The following RASL11B variants were observed in gnomAD, a reference collection of about 807,000 sequenced individuals.
The protein encoded by RASL11B is ras-like protein family member 11B.
RASL11B carries 14 observed loss-of-function variants against 22.9 expected under a neutral mutation model. That is an observed-to-expected ratio of 0.61 (90% CI 0.40 to 0.96). The LOEUF is 0.96. Among genes scored for constraint, RASL11B ranks in the 40% least tolerant of loss-of-function variants. RASL11B has a pLI of 0.00. For missense variants in RASL11B, 261 were observed against 322.0 expected, an observed-to-expected ratio of 0.81 and a Z score of 1.45; for synonymous variants, 143 against 130.2, an observed-to-expected ratio of 1.10 and a Z score of -0.67.
intron 1 of RASL11B, 101 bp downstream of exon 1, chr4:52,862,750 GCT>G: frequency 7.5e-7 from 1 of 1,331,746 alleles, no homozygotes; most frequent in African/African-American, 1.5e-5. Context: ...CAGCCCGACC[GCT>G]CTCCGTCCCC....
rs1718180234 is a variant in RASL11B, at chr4:52,862,597, C to T, written c.90C>T (p.Gly30=). ...AASDCCVGAA[G]RRLVKIAVVG... ...CCGACTGCTGTGTGGGCGCCGCCGG[C>T]CGCCGCCTGGTCAAGATCGCCGTGG... is the stretch of plus-strand genomic sequence containing the variant. Residue 30 remains glycine, a synonymous_variant, in exon 1 of 4, where the codon GGC becomes GGT. Transcript: ENST00000248706. 3 of 1,599,090 alleles carry T rather than the reference C, an allele frequency of 1.9e-6. No homozygotes were observed. The highest frequency in any genetic ancestry group is 2.6e-6 in the Non-Finnish European group (3 of 1,176,292).
At chr4:52,864,433 TTG>T in intron 2 of RASL11B, 43 bp from the exon 3 acceptor site, 1 of 1,236,040 alleles carries the variant, frequency 8.1e-7, no homozygotes, top group East Asian at 2.3e-5. Flanking sequence ...GTTTTAAAAG[TTG>T]TACAAGAAGG....
chr4:52,862,435 G>A lies in RASL11B; in HGVS notation c.-73G>A. On this transcript the variant is annotated 5_prime_UTR_variant, in exon 1 of 4. Coordinates refer to ENST00000248706, the MANE Select transcript of RASL11B (RefSeq NM_023940.3). ...CGGAGCCCCGCAGTCGGGTCCTCCC[G>A]CCCGCTCCCGCGCAGCGCTAGCATT... 1 of 1,386,312 alleles carries A rather than the reference G, an allele frequency of 7.2e-7. No homozygotes were observed. The highest frequency in any genetic ancestry group is 9.5e-7 in the Non-Finnish European group (1 of 1,051,984). 85.9% of individuals were successfully genotyped at this position (1,386,312 alleles called of 1,614,324 possible).
intron 2 of RASL11B, among the ~76,000 whole-genome samples, chr4:52,863,920 T>G (rs1198442709): frequency 3.9e-5 from 6 of 152,244 alleles, no homozygotes; most frequent in African/African-American, 1.2e-4. Context: ...AGCAAATTGC[T>G]TAACTCTGTA....
intron 3 of RASL11B, among the ~76,000 whole-genome samples, chr4:52,864,816 T>A (rs1272012666): frequency 6.6e-6 from 1 of 152,214 alleles, no homozygotes; most frequent in African/African-American, 2.4e-5. Flanking sequence ...GCAGTTGGAA[T>A]TGGTGTTTTC....
intron 1 of RASL11B, 101 bp from the exon 2 acceptor site, chr4:52,863,167 A>G (rs567961180): frequency 4.9e-6 from 5 of 1,026,580 alleles, no homozygotes; most frequent in East Asian, 5.1e-5. Flanking sequence ...GTGGCCATCT[A>G]TGGCTTTCTT....
chr4:52,865,420 C>T lies in RASL11B; in HGVS notation c.362C>T (p.Thr121Ile). ...GCTGTGGTGATCGTTTTCTCCATCA[C>T]TGACTACAAGAGCTATGAACTCATC... ...ADAVVIVFSI[T>I]DYKSYELISQ... is the part of the protein sequence containing the mutation. The change falls in exon 4 of 4, where the codon ACT becomes ATT. Residue 121 changes from threonine (T) to isoleucine (I), a missense_variant. Transcript: ENST00000248706. 6.2e-7 allele frequency: 1 copy of T among 1,614,206 alleles called. No individual in the cohort carries two copies. The highest frequency in any genetic ancestry group is 2.2e-5 in the East Asian group (1 of 44,890).
At position 52,862,413 on chromosome 4, in the gene RASL11B, A is replaced by T; in HGVS notation, c.-95A>T. The T allele has an allele frequency of 8.6e-7, 1 of 1,164,358 alleles. No individual in the cohort carries two copies. Among genetic ancestry groups the T allele is most frequent in the Non-Finnish European group, 1.2e-6 (1 of 858,590 alleles). The allele number at this position is 1,164,358 out of a possible 1,614,324, so 72.1% of individuals were successfully genotyped here. A position where few individuals can be genotyped will look rare whatever the true frequency, so the allele number is the denominator to read the frequency against. ...TTATTGTTGTTATTTCTTACCGCGG[A>T]GCCCCGCAGTCGGGTCCTCCCGCCC... On this transcript the variant is annotated 5_prime_UTR_variant, in exon 1 of 4. Coordinates refer to ENST00000248706, the MANE Select transcript of RASL11B (RefSeq NM_023940.3).
At chr4:52,862,787 G>A in intron 1 of RASL11B, 138 bp downstream of exon 1, 1 of 1,061,970 alleles carries the variant, frequency 9.4e-7, no homozygotes, top group Non-Finnish European at 1.3e-6. Flanking sequence ...TGCCCCTTGG[G>A]AGTGGGCTTA....
At position 52,865,426 on chromosome 4, in the gene RASL11B, A is replaced by T. The variant is rs748518922; in HGVS notation, c.368A>T (p.Tyr123Phe). The change falls in exon 4 of 4, where the codon TAC becomes TTC. Residue 123 changes from tyrosine to phenylalanine, a missense_variant. Physicochemically the swap from Tyr to Phe is conservative, Grantham distance 22. Transcript: ENST00000248706. Reference sequence around the variant, plus strand: ...GTGATCGTTTTCTCCATCACTGACTACAAGAGCTATGAACTCATCAGCCAG... The same window carrying T: ...GTGATCGTTTTCTCCATCACTGACTTCAAGAGCTATGAACTCATCAGCCAG... ...AVVIVFSITD[Y>F]KSYELISQLH... The T allele has an allele frequency of 6.2e-7, 1 of 1,614,054 alleles. No individual in the cohort carries two copies. Among genetic ancestry groups the T allele is most frequent in the Non-Finnish European group, 8.5e-7 (1 of 1,180,040 alleles).
intron 2 of RASL11B, 132 bp from the exon 3 acceptor site, chr4:52,864,346 C>T (rs569719508): frequency 3.5e-6 from 2 of 578,574 alleles, no homozygotes; most frequent in Admixed American, 2.8e-5. Context: ...AGTAAGCCCA[C>T]CAAATAGAAA....
At position 52,862,370 on chromosome 4, in the gene RASL11B, G is replaced by A; in HGVS notation, c.-138G>A. The A allele has an allele frequency of 3.2e-5, 6 of 186,374 alleles. 1 individual carries two copies. Among genetic ancestry groups the A allele is most frequent in the South Asian group, 1.7e-4 (2 of 12,090 alleles). 11.5% of individuals were successfully genotyped at this position (186,374 alleles called of 1,614,324 possible). ...GAACCTCGGCGCTCGGCCCCACCCC[G>A]CCCGTACCTGCACTTATTTATTGTT... On this transcript the variant is annotated 5_prime_UTR_variant, in exon 1 of 4. Transcript: ENST00000248706.
In RASL11B at chr4:52,866,081, G is replaced by A. The variant is rs985774362; in HGVS notation, c.*276G>A. 23 of 447,650 alleles carry A rather than the reference G, an allele frequency of 5.1e-5. No individual in the cohort carries two copies. The East Asian group carries it at 7.2e-4, about 14-fold the overall frequency. The allele number at this position is 447,650 out of a possible 1,614,324, so 27.7% of individuals were successfully genotyped here. A position where few individuals can be genotyped will look rare whatever the true frequency, so the allele number is the denominator to read the frequency against. ...TTTAGAGTGGGGAGGGGGCATAATC[G>A]TTTCGGTTTCTGCATTCAACTACCT... On this transcript the variant is annotated 3_prime_UTR_variant, in exon 4 of 4. Transcript: ENST00000248706.
At chr4:52,864,037 T>G in intron 2 of RASL11B, 1 of 165,452 alleles carries the variant, frequency 6.0e-6, no homozygotes, top group Non-Finnish European at 1.3e-5. Context: ...TATAATTATA[T>G]CACATTTTTA....
At chr4:52,863,433 A>C in intron 2 of RASL11B, 109 bp downstream of exon 2, 1 of 895,618 alleles carries the variant, frequency 1.1e-6, no homozygotes, top group Non-Finnish European at 1.8e-6. Context: ...GAGCCTGAGG[A>C]TCCCGCCACT....
intron 2 of RASL11B, chr4:52,863,628 A>C: frequency 3.0e-6 from 1 of 328,514 alleles, no homozygotes; most frequent in Non-Finnish European, 5.7e-6. Context: ...TCCCTTCAAA[A>C]CACTCCTGCA....
intron 3 of RASL11B, among the ~76,000 whole-genome samples, 176 bp from the exon 4 acceptor site, chr4:52,865,157 ACT>A (rs1278391969): frequency 6.6e-6 from 1 of 151,864 alleles, no homozygotes; most frequent in African/African-American, 2.4e-5. Context: ...ATTTATTCCC[ACT>A]CTGTGCAGCT....
At position 52,866,743 on chromosome 4, in the gene RASL11B, C is replaced by T. The variant is rs1347435363; in HGVS notation, c.*938C>T. The T allele has an allele frequency of 6.6e-6, 1 of 152,632 alleles. No individual in the cohort carries two copies. The highest frequency in any genetic ancestry group is 2.4e-5 in the African/African-American group (1 of 41,452). The allele number at this position is 152,632 out of a possible 1,614,324, so 9.5% of individuals were successfully genotyped here. A position where few individuals can be genotyped will look rare whatever the true frequency, so the allele number is the denominator to read the frequency against. ...AGTGAACAGGGGCTACCTGCCACATCCCCTCCACAGATGCACTTTAAAAAG... is the reference window on the plus strand; with the variant it reads ...AGTGAACAGGGGCTACCTGCCACATTCCCTCCACAGATGCACTTTAAAAAG... On this transcript the variant is annotated 3_prime_UTR_variant, in exon 4 of 4. Transcript: ENST00000248706.
At chr4:52,864,612 ACTT>A (rs1442910912) in intron 3 of RASL11B, 58 bp downstream of exon 3, 7 of 1,139,980 alleles carry the variant, frequency 6.1e-6, no homozygotes, top group African/African-American at 3.1e-5. Flanking sequence ...GGAATCACTC[ACTT>A]CTTCTCAAAG....
Sources: allele counts gnomAD v4.1 joint callset (sites outside exome capture counted in the v4.1 genomes callset), GRCh38; gene constraint gnomAD v4.1.1; transcripts MANE v1.5; gene names NCBI Gene and HGNC (gene_info 2026-07-23, HGNC 2026-07-21).